Variants in EDIL3 observed in about 807,000 individuals in gnomAD.
EDIL3 encodes EGF-like repeat and discoidin I-like domain-containing protein 3.
A neutral mutation model predicts 67.4 loss-of-function variants in EDIL3; 37 were observed. The observed-to-expected ratio is 0.55, with a 90% CI of 0.42 to 0.72. The LOEUF (loss-of-function observed/expected upper bound fraction) is 0.72, where lower values mean the gene tolerates loss of function less well. Ranked by LOEUF, EDIL3 falls within the 30% of genes least tolerant of loss-of-function variation. The pLI is 0.00. For missense variants in EDIL3, 527 were observed against 586.3 expected (o/e 0.90, Z 1.04); for synonymous variants, 195 against 196.3 (o/e 0.99, Z 0.05).
chr5:83,964,148 A>G (rs182479779), intron 9 of EDIL3, among the ~76,000 whole-genome samples: 6 of 152,122 alleles, frequency 3.9e-5, no homozygotes, highest in African/African-American at 1.4e-4. Flanking sequence ...AAAAGATAGG[A>G]AACATTTTCA....
chr5:84,380,118 C>T (rs1320382074), intron 1 of EDIL3, among the ~76,000 whole-genome samples: 2 of 151,924 alleles, frequency 1.3e-5, no homozygotes, highest in Non-Finnish European at 2.9e-5. Flanking sequence ...AATTACTTCA[C>T]ATTGGCAGTC....
intron 9 of EDIL3, among the ~76,000 whole-genome samples, chr5:84,000,007 GAAA>G (rs70975533): frequency 1.8e-4 from 27 of 147,326 alleles, no homozygotes; most frequent in Admixed American, 4.7e-4. Flanking sequence ...AGTGCTAAAG[GAAA>G]AAAAAAAAAA....
At chr5:84,094,300 A>T (rs1291212630) in intron 6 of EDIL3, among the ~76,000 whole-genome samples, 2 of 152,222 alleles carry the variant, frequency 1.3e-5, no homozygotes, top group African/African-American at 4.8e-5. Flanking sequence ...AGTTTAAAAA[A>T]TATCATTAGA....
intron 1 of EDIL3, among the ~76,000 whole-genome samples, chr5:84,265,125 T>C (rs1745320806): frequency 1.3e-5 from 2 of 152,190 alleles, no homozygotes; most frequent in South Asian, 4.1e-4. Flanking sequence ...GTATGTAATG[T>C]TAAAATTACA....
At chr5:84,203,917 T>G (rs1010265944) in intron 3 of EDIL3, among the ~76,000 whole-genome samples, 10 of 152,208 alleles carry the variant, frequency 6.6e-5, no homozygotes, top group Non-Finnish European at 1.5e-5. Flanking sequence ...TGGAATACTA[T>G]ATGTTTTTGC....
chr5:84,303,808 CTGTGTGTGTGTG>C (rs199605264), intron 1 of EDIL3, among the ~76,000 whole-genome samples: 50 of 135,404 alleles, frequency 3.7e-4, no homozygotes, highest in African/African-American at 9.9e-4. Context: ...CTCTCTCTCT[CTGTGTGTGTGTG>C]TGTGTGTGTG....
At chr5:83,985,012 G>A (rs1745035301) in intron 9 of EDIL3, among the ~76,000 whole-genome samples, 1 of 151,558 alleles carries the variant, frequency 6.6e-6, no homozygotes, top group Admixed American at 6.6e-5. Flanking sequence ...AGCATGATAT[G>A]ATTTCTACAA....
intron 9 of EDIL3, among the ~76,000 whole-genome samples, chr5:84,023,278 AC>A (rs1467989578): frequency 2.0e-5 from 3 of 152,034 alleles, no homozygotes; most frequent in Admixed American, 2.0e-4. Flanking sequence ...CAAAAAGCAA[AC>A]AAAAAAGAGA....
intron 1 of EDIL3, among the ~76,000 whole-genome samples, chr5:84,301,282 A>G (rs1188264263): frequency 6.6e-6 from 1 of 151,648 alleles, no homozygotes; most frequent in Non-Finnish European, 1.5e-5. Flanking sequence ...AAAAAAAGAA[A>G]AAAAAAAAAG....
chr5:84,196,200 T>A (rs1305723080), intron 3 of EDIL3, among the ~76,000 whole-genome samples: 2 of 151,896 alleles, frequency 1.3e-5, no homozygotes, highest in Admixed American at 1.3e-4. Flanking sequence ...GCAAAAAAAA[T>A]ATAAATGATT....
At chr5:84,235,821 T>C (rs981868692) in intron 2 of EDIL3, among the ~76,000 whole-genome samples, 1 of 152,004 alleles carries the variant, frequency 6.6e-6, no homozygotes, top group Non-Finnish European at 1.5e-5. Context: ...TATGTCATTA[T>C]ATAAATCAGA....
chr5:84,168,437 A>G (rs754588511), intron 4 of EDIL3, among the ~76,000 whole-genome samples: 2 of 152,154 alleles, frequency 1.3e-5, no homozygotes, highest in Non-Finnish European at 1.5e-5. Context: ...GTACCTGTAC[A>G]TACCTATATA....
intron 9 of EDIL3, among the ~76,000 whole-genome samples, chr5:84,055,426 A>ATTTTTT (rs1746424457): frequency 6.8e-6 from 1 of 146,594 alleles, no homozygotes; most frequent in Admixed American, 6.7e-5. Context: ...AAACACCAAA[A>ATTTTTT]GCAATGGCAA....
intron 1 of EDIL3, among the ~76,000 whole-genome samples, chr5:84,294,288 C>T (rs577312365): frequency 5.2e-4 from 77 of 148,624 alleles, no homozygotes; most frequent in African/African-American, 1.7e-3. Flanking sequence ...GGGAGGCTGA[C>T]GCAGGAGAAT....
intron 1 of EDIL3, among the ~76,000 whole-genome samples, chr5:84,276,484 A>C (rs1745584664): frequency 6.6e-6 from 1 of 152,154 alleles, no homozygotes; most frequent in Admixed American, 6.5e-5. Context: ...CGTTTCCTTC[A>C]TAATCTTACT....
At chr5:83,956,125 A>C (rs1384177704) in intron 10 of EDIL3, among the ~76,000 whole-genome samples, 1 of 151,694 alleles carries the variant, frequency 6.6e-6, no homozygotes, top group East Asian at 2.0e-4. Context: ...TCCATTCTAC[A>C]GTTGCACTTA....
chr5:84,319,127 G>A (rs940507083), intron 1 of EDIL3, among the ~76,000 whole-genome samples: 1 of 151,682 alleles, frequency 6.6e-6, no homozygotes, highest in Non-Finnish European at 1.5e-5. Context: ...CAGCTAGAAT[G>A]GCGATCATTA....
intron 1 of EDIL3, among the ~76,000 whole-genome samples, chr5:84,312,781 TG>T (rs1397765721): frequency 6.6e-6 from 1 of 152,238 alleles, no homozygotes; most frequent in Non-Finnish European, 1.5e-5. Context: ...TTACAATTTT[TG>T]TCAGCTGTAC....
At chr5:84,075,130 A>T (rs905798996) in intron 6 of EDIL3, among the ~76,000 whole-genome samples, 2 of 150,902 alleles carry the variant, frequency 1.3e-5, no homozygotes, top group African/African-American at 4.9e-5. Flanking sequence ...GTTCTCACTC[A>T]TAGGTGGGAA....
Sources: gnomAD v4.1 joint callset for allele counts (sites outside exome capture counted in the v4.1 genomes callset) on GRCh38, gnomAD v4.1.1 for gene constraint, MANE v1.5 for transcripts, NCBI Gene and HGNC (gene_info 2026-07-23, HGNC 2026-07-21) for gene names.